The following SLC14A2 variants were observed in gnomAD, a reference collection of about 807,000 sequenced individuals.
SLC14A2 encodes the protein urea transporter 2.
A neutral mutation model predicts 104.6 loss-of-function variants in SLC14A2; 91 were observed. That is an observed-to-expected ratio of 0.87 (90% confidence interval 0.73 to 1.04). The LOEUF is 1.04. Ranked by LOEUF, SLC14A2 falls within the 50% of genes least tolerant of loss-of-function variation. The pLI is 0.00. For missense variants in SLC14A2, 1,189 were observed against 1,156.0 expected, an observed-to-expected ratio of 1.03 and a Z score of -0.41; for synonymous variants, 476 against 466.4, an observed-to-expected ratio of 1.02 and a Z score of -0.27.
chr18:45,193,270 G>C, the SLC14A2 span, among the ~76,000 whole-genome samples: 1 of 152,220 alleles, frequency 6.6e-6, no homozygotes, highest in South Asian at 2.1e-4. Context: ...TTTCTTTTAT[G>C]GATGGTGCTT....
At chr18:45,493,952 A>C (rs936604205) in intron 2 of SLC14A2, among the ~76,000 whole-genome samples, 1 of 152,252 alleles carries the variant, frequency 6.6e-6, no homozygotes, top group Non-Finnish European at 1.5e-5. Flanking sequence ...CCACATCCTT[A>C]ATCACCTAAA....
intron 2 of SLC14A2, among the ~76,000 whole-genome samples, chr18:45,594,865 G>T (rs1046109610): frequency 2.0e-5 from 3 of 152,068 alleles, no homozygotes; most frequent in African/African-American, 7.3e-5. Context: ...ACCCCCAGCA[G>T]CCGTCACACC....
chr18:45,498,778 T>A (rs751982898), intron 2 of SLC14A2, among the ~76,000 whole-genome samples: 3 of 152,200 alleles, frequency 2.0e-5, no homozygotes, highest in Non-Finnish European at 2.9e-5. Flanking sequence ...TGCTTTCCCC[T>A]CCAAGCTGGC....
chr18:45,488,212 A>C (rs1451521433), intron 2 of SLC14A2, among the ~76,000 whole-genome samples: 1 of 152,166 alleles, frequency 6.6e-6, no homozygotes, highest in Non-Finnish European at 1.5e-5. Flanking sequence ...AGGCAGGGAT[A>C]ACGTGAGCAT....
At chr18:45,447,026 G>A (rs1294830483) in intron 1 of SLC14A2, among the ~76,000 whole-genome samples, 1 of 152,024 alleles carries the variant, frequency 6.6e-6, no homozygotes, top group African/African-American at 2.4e-5. Flanking sequence ...TTGATTCATT[G>A]ATTTGGTCTC....
chr18:45,653,021 C>T (rs951995974), intron 10 of SLC14A2, among the ~76,000 whole-genome samples: 2 of 151,780 alleles, frequency 1.3e-5, no homozygotes, highest in Non-Finnish European at 2.9e-5. Context: ...CTGGAGTGAG[C>T]GCATCTCAAG....
At chr18:45,463,497 T>C (rs2087083126) in intron 1 of SLC14A2, among the ~76,000 whole-genome samples, 1 of 152,252 alleles carries the variant, frequency 6.6e-6, no homozygotes, top group Non-Finnish European at 1.5e-5. Context: ...CATTATTACG[T>C]AAAGGCCACA....
intron 1 of SLC14A2, among the ~76,000 whole-genome samples, chr18:45,470,647 A>G (rs534354677): frequency 6.6e-6 from 1 of 152,190 alleles, no homozygotes; most frequent in South Asian, 2.1e-4. Context: ...AATATATTTA[A>G]TCCTCTGTAT....
Position 45,660,809 on chromosome 18 carries a change from G to GA in SLC14A2, c.1352-2973dup, listed in dbSNP as rs537525545. Among the ~76,000 whole-genome samples the GA allele has an allele frequency of 7.3e-3, 1,112 of 152,346 alleles. 4 individuals are homozygous for GA. Among genetic ancestry groups the GA allele is most frequent in the Non-Finnish European group, 0.012 (847 of 68,036 alleles). ...TCTTGAAAGTGTCTTTATCCACGAT[G>GA]AAAGTCCTAAGAATTTGTCCCAGAG... On this transcript the variant is annotated intron_variant, in intron 10 of 19. Transcript: ENST00000255226.
chr18:45,663,943 C>A (rs1316836591), intron 11 of SLC14A2, 36 bp downstream of exon 11: 2 of 1,573,890 alleles, frequency 1.3e-6, no homozygotes, highest in East Asian at 4.6e-5. Flanking sequence ...TGGATCCCTG[C>A]CTTCCTAGTC....
At chr18:45,332,251 G>T (rs2085297709) in intron 1 of SLC14A2, among the ~76,000 whole-genome samples, 1 of 151,866 alleles carries the variant, frequency 6.6e-6, no homozygotes, top group South Asian at 2.1e-4. Flanking sequence ...AACCAACTGT[G>T]GATCAAAAAT....
intron 2 of SLC14A2, among the ~76,000 whole-genome samples, chr18:45,519,775 C>T (rs990305272): frequency 3.3e-5 from 5 of 152,266 alleles, no homozygotes; most frequent in South Asian, 4.1e-4. Flanking sequence ...GCTGTTACTC[C>T]GGGATCTGCT....
chr18:45,378,797 G>A (rs1335076984), intron 1 of SLC14A2, among the ~76,000 whole-genome samples: 1 of 151,934 alleles, frequency 6.6e-6, no homozygotes, highest in Admixed American at 6.5e-5. Context: ...TGTTTTTTAG[G>A]ACTGGGTTTT....
At chr18:45,667,267 G>A (rs2144632589) in intron 13 of SLC14A2, among the ~76,000 whole-genome samples, 173 bp downstream of exon 13, 1 of 152,294 alleles carries the variant, frequency 6.6e-6, no homozygotes. Flanking sequence ...CAGACATACA[G>A]CCTCTTGAAC....
chr18:45,285,377 C>A (rs530805587), intron 1 of SLC14A2, among the ~76,000 whole-genome samples: 70 of 152,232 alleles, frequency 4.6e-4, no homozygotes, highest in Admixed American at 7.9e-4. Flanking sequence ...ACAGTTTGCA[C>A]GCCAGGGATT....
At chr18:45,169,641 A>G in the SLC14A2 span, among the ~76,000 whole-genome samples, 34 of 152,312 alleles carry the variant, frequency 2.2e-4, no homozygotes, top group African/African-American at 8.2e-4. Flanking sequence ...GCCAAAGACC[A>G]TTTCTTCTCC....
intron 1 of SLC14A2, among the ~76,000 whole-genome samples, chr18:45,309,114 T>C (rs1001470081): frequency 1.5e-4 from 23 of 152,182 alleles, no homozygotes; most frequent in African/African-American, 5.5e-4. Context: ...AAGTTCTGCC[T>C]TTCTCTATGC....
At chr18:45,342,122 TG>T (rs573844904) in intron 1 of SLC14A2, among the ~76,000 whole-genome samples, 1 of 152,348 alleles carries the variant, frequency 6.6e-6, no homozygotes, top group South Asian at 2.1e-4. Flanking sequence ...ATGAAGTAGC[TG>T]TACATTTCCC....
intron 2 of SLC14A2, among the ~76,000 whole-genome samples, chr18:45,532,084 T>C (rs1341048904): frequency 6.6e-6 from 1 of 152,360 alleles, no homozygotes; most frequent in East Asian, 1.9e-4. Context: ...AGGAGTACCA[T>C]GCTGTTTTTG....
Sources: allele counts gnomAD v4.1 joint callset (sites outside exome capture counted in the v4.1 genomes callset), GRCh38; gene constraint gnomAD v4.1.1; transcripts MANE v1.5; gene names NCBI Gene and HGNC (gene_info 2026-07-23, HGNC 2026-07-21).